The following ANAPC10 variants were observed in gnomAD, a reference collection of about 807,000 sequenced individuals.
ANAPC10 encodes the protein anaphase-promoting complex subunit 10.
A neutral mutation model predicts 22.0 loss-of-function variants in ANAPC10; 12 were observed. That is an observed-to-expected ratio of 0.55 (90% CI 0.35 to 0.88). ANAPC10 has a LOEUF of 0.88. Ranked by LOEUF, ANAPC10 falls within the 40% of genes least tolerant of loss-of-function variation. The pLI, the probability that ANAPC10 is intolerant of heterozygous loss-of-function variation, is 0.01. For missense variants in ANAPC10, 188 were observed against 220.9 expected (o/e 0.85, Z 0.94); for synonymous variants, 65 against 69.5 (o/e 0.94, Z 0.32).
chr4:145,038,077 G>A (rs1738878177), intron 4 of ANAPC10, among the ~76,000 whole-genome samples: 1 of 152,036 alleles, frequency 6.6e-6, no homozygotes, highest in Non-Finnish European at 1.5e-5. Context: ...GTTCACGCCT[G>A]TAATCTCAAC....
At chr4:145,004,273 T>C (rs1039145364) in intron 4 of ANAPC10, among the ~76,000 whole-genome samples, 4 of 151,958 alleles carry the variant, frequency 2.6e-5, no homozygotes, top group African/African-American at 9.7e-5. Context: ...AGGTCTAGCA[T>C]CATATCATCT....
At chr4:145,095,889 A>T in intron 2 of ANAPC10, 96 bp downstream of exon 2, 1 of 1,530,184 alleles carries the variant, frequency 6.5e-7, no homozygotes, top group Non-Finnish European at 9.0e-7. Flanking sequence ...ATCCACTGGG[A>T]GTCCTGGAAT....
chr4:145,001,023 G>T (rs561048329), intron 4 of ANAPC10, among the ~76,000 whole-genome samples: 3 of 151,676 alleles, frequency 2.0e-5, no homozygotes, highest in African/African-American at 7.3e-5. Flanking sequence ...GGCCCACCCC[G>T]GGGCCTGTCG....
intron 4 of ANAPC10, among the ~76,000 whole-genome samples, chr4:145,036,807 C>T (rs891029397): frequency 6.6e-6 from 1 of 152,034 alleles, no homozygotes; most frequent in Non-Finnish European, 1.5e-5. Context: ...CAAGTCTAAA[C>T]TACTTCGAGT....
intron 4 of ANAPC10, among the ~76,000 whole-genome samples, chr4:145,018,122 A>ATAT (rs1553965065): frequency 1.3e-5 from 1 of 79,076 alleles, no homozygotes; most frequent in Non-Finnish European, 3.9e-5. Flanking sequence ...TATAATAAAA[A>ATAT]AAATATATAT....
chr4:145,007,798 C>G (rs1201005525), intron 4 of ANAPC10, among the ~76,000 whole-genome samples: 1 of 151,188 alleles, frequency 6.6e-6, no homozygotes, highest in Admixed American at 6.6e-5. Context: ...AATTCAGAAG[C>G]TAGCAGAAGG....
chr4:145,073,503 T>C (rs543738590), intron 3 of ANAPC10, among the ~76,000 whole-genome samples: 1 of 152,288 alleles, frequency 6.6e-6, no homozygotes, highest in Admixed American at 6.5e-5. Flanking sequence ...TTTGTATGAT[T>C]TGGCTTAAGC....
At position 145,011,396 on chromosome 4, in the gene ANAPC10, G is replaced by C. The variant is rs34808448; in HGVS notation, c.328-15793C>G. ...TAAAATAAAATAAAATAAAATTCAAGAGGATGGAGTAGTTTGTGGCAAGCC... is the reference window on the plus strand; with the variant it reads ...TAAAATAAAATAAAATAAAATTCAACAGGATGGAGTAGTTTGTGGCAAGCC... On this transcript the variant is annotated intron_variant, in intron 4 of 4. Transcript: ENST00000507656. 5.3e-3 allele frequency among the ~76,000 whole-genome samples: 544 copies of C among 102,922 alleles called. 4 individuals are homozygous for C. The highest frequency in any genetic ancestry group is 9.8e-3 in the Non-Finnish European group (401 of 40,804). The allele number at this position is 102,922 out of a possible 152,430, so 67.5% of individuals were successfully genotyped here.
chr4:145,068,399 T>G (rs1200329137), intron 3 of ANAPC10, among the ~76,000 whole-genome samples: 1 of 152,050 alleles, frequency 6.6e-6, no homozygotes, highest in Non-Finnish European at 1.5e-5. Flanking sequence ...GGTACAAAAC[T>G]TAAAACTAAA....
chr4:145,054,709 CATGT>C (rs2126367476), intron 4 of ANAPC10, among the ~76,000 whole-genome samples: 1 of 142,680 alleles, frequency 7.0e-6, no homozygotes, highest in Non-Finnish European at 1.5e-5. Context: ...TGTGTGTGTG[CATGT>C]GTGTGTGTGC....
chr4:145,089,906 T>C (rs538735932), intron 2 of ANAPC10, among the ~76,000 whole-genome samples: 1 of 152,322 alleles, frequency 6.6e-6, no homozygotes, highest in Admixed American at 6.5e-5. Context: ...CTGATTGTTT[T>C]ACTCTGTTAC....
intron 3 of ANAPC10, among the ~76,000 whole-genome samples, chr4:145,081,050 T>C (rs1745940033): frequency 6.6e-6 from 1 of 151,920 alleles, no homozygotes; most frequent in African/African-American, 2.4e-5. Context: ...GTGGGAGGAA[T>C]GCTTGAGGCC....
intron 4 of ANAPC10, among the ~76,000 whole-genome samples, chr4:145,007,387 A>C (rs1174907615): frequency 1.3e-5 from 2 of 152,110 alleles, no homozygotes; most frequent in Non-Finnish European, 2.9e-5. Context: ...ACATAGTTGG[A>C]AGTAAAGCAT....
chr4:145,026,957 G>GTGTGTTTATA (rs1343774253), intron 4 of ANAPC10, among the ~76,000 whole-genome samples: 1 of 18,342 alleles, frequency 5.5e-5, no homozygotes, highest in Non-Finnish European at 8.3e-5. Flanking sequence ...GTGTGTGTGT[G>GTGTGTTTATA]TATATATATA....
intron 4 of ANAPC10, among the ~76,000 whole-genome samples, chr4:144,997,050 A>T (rs770513463): frequency 7.2e-5 from 11 of 152,300 alleles, no homozygotes; most frequent in Middle Eastern, 3.4e-3. Flanking sequence ...AAAGAGTAAA[A>T]AGAAATGAAC....
At chr4:145,019,616 C>G (rs1023041842) in intron 4 of ANAPC10, among the ~76,000 whole-genome samples, 1 of 151,842 alleles carries the variant, frequency 6.6e-6, no homozygotes, top group Non-Finnish European at 1.5e-5. Flanking sequence ...CTAAATGAAA[C>G]TAAAACAAAA....
In ANAPC10 at chr4:145,079,405, A is replaced by C. The variant is rs1176944988; in HGVS notation, c.206+2255T>G. On this transcript the variant is annotated intron_variant, in intron 3 of 4. Coordinates refer to ENST00000507656, the MANE Select transcript of ANAPC10 (RefSeq NM_001256706.2). ...AGATGCTGGTGAAGTTGTGAAAAAA[A>C]GGGAATACTTATACACTGCTGGTGG... 2.6e-5 allele frequency among the ~76,000 whole-genome samples: 4 copies of C among 152,242 alleles called. No individual in the cohort carries two copies. In the East Asian group the frequency reaches 7.7e-4, roughly 29 times the overall value.
chr4:145,028,148 C>T (rs566434094), intron 4 of ANAPC10, among the ~76,000 whole-genome samples: 18 of 152,120 alleles, frequency 1.2e-4, no homozygotes, highest in Non-Finnish European at 2.5e-4. Context: ...AGTATTAATC[C>T]TGGGTGTGCC....
At chr4:145,072,783 T>C (rs1278278277) in intron 3 of ANAPC10, among the ~76,000 whole-genome samples, 1 of 152,188 alleles carries the variant, frequency 6.6e-6, no homozygotes, top group Non-Finnish European at 1.5e-5. Context: ...GTGTTCATAA[T>C]TCAATATGTA....
Sources: gnomAD v4.1 joint callset for allele counts (sites outside exome capture counted in the v4.1 genomes callset) on GRCh38, gnomAD v4.1.1 for gene constraint, MANE v1.5 for transcripts, NCBI Gene and HGNC (gene_info 2026-07-23, HGNC 2026-07-21) for gene names.